The following CDH13 variants were observed in gnomAD, a reference collection of about 807,000 sequenced individuals.
CDH13 encodes cadherin-13.
In CDH13, 24 loss-of-function variants were observed where a neutral mutation model predicts 63.8. The ratio of observed to expected loss-of-function variants is 0.38; its 90% CI spans 0.27 to 0.53. CDH13 has a LOEUF of 0.53. CDH13 is among the 20% of genes least tolerant of loss of function. The pLI, the probability that CDH13 is intolerant of heterozygous loss-of-function variation, is 0.85. For synonymous variants in CDH13, 503 were observed against 355.3 expected (o/e 1.42, Z -4.67); for missense variants, 1,049 against 903.1 (o/e 1.16, Z -2.07).
chr16:83,283,999 T>C (rs1396421112), intron 5 of CDH13, among the ~76,000 whole-genome samples: 2 of 152,198 alleles, frequency 1.3e-5, no homozygotes, highest in East Asian at 3.8e-4. Context: ...AGGATAGACA[T>C]GTATCTTTAC....
At chr16:83,657,661 A>G (rs967133973) in intron 8 of CDH13, among the ~76,000 whole-genome samples, 3 of 152,224 alleles carry the variant, frequency 2.0e-5, no homozygotes, top group African/African-American at 4.8e-5. Context: ...TGTCTGCAGA[A>G]TCAGTCAGTG....
chr16:83,197,148 C>T (rs2038900305), intron 4 of CDH13, among the ~76,000 whole-genome samples: 2 of 152,110 alleles, frequency 1.3e-5, no homozygotes, highest in Admixed American at 1.3e-4. Context: ...TTGGAAGAAT[C>T]TCCAGGGAAT....
At chr16:83,193,015 A>G (rs1018636570) in intron 4 of CDH13, among the ~76,000 whole-genome samples, 1 of 152,174 alleles carries the variant, frequency 6.6e-6, no homozygotes, top group African/African-American at 2.4e-5. Flanking sequence ...GAGGCTGCCC[A>G]TCATGGGTGA....
At chr16:82,829,269 C>G (rs943136728) in intron 1 of CDH13, 21 of 152,136 alleles carry the variant, frequency 1.4e-4, no homozygotes, top group African/African-American at 5.1e-4. Context: ...CCCCAGGGTT[C>G]TTCTCCGTGT....
At chr16:83,238,926 C>G (rs920125715) in intron 5 of CDH13, among the ~76,000 whole-genome samples, 1 of 152,148 alleles carries the variant, frequency 6.6e-6, no homozygotes, top group African/African-American at 2.4e-5. Flanking sequence ...CACCTTTGGG[C>G]TAAGAGCAGA....
chr16:83,224,883 G>A (rs374324781), intron 5 of CDH13, among the ~76,000 whole-genome samples: 6 of 152,118 alleles, frequency 3.9e-5, no homozygotes, highest in East Asian at 3.9e-4. Context: ...GCCACATATC[G>A]GTTTTATAGT....
At chr16:82,772,458 A>G (rs972468588) in intron 1 of CDH13, among the ~76,000 whole-genome samples, 2 of 152,204 alleles carry the variant, frequency 1.3e-5, no homozygotes, top group Admixed American at 1.3e-4. Context: ...GAGGTGTGTG[A>G]GAAAAAGGGA....
intron 7 of CDH13, among the ~76,000 whole-genome samples, chr16:83,493,690 A>C (rs1040764675): frequency 6.6e-6 from 1 of 152,242 alleles, no homozygotes; most frequent in East Asian, 1.9e-4. Flanking sequence ...AGATTGCAAA[A>C]GGCTTCTAAT....
At chr16:83,326,235 C>T (rs1323743913) in intron 5 of CDH13, among the ~76,000 whole-genome samples, 1 of 152,098 alleles carries the variant, frequency 6.6e-6, no homozygotes, top group Non-Finnish European at 1.5e-5. Flanking sequence ...TTACTTTATT[C>T]TTCCTGGAAA....
chr16:83,462,936 C>T (rs2151527224), intron 6 of CDH13, among the ~76,000 whole-genome samples: 1 of 152,242 alleles, frequency 6.6e-6, no homozygotes, highest in South Asian at 2.1e-4. Context: ...TGTGGAAATA[C>T]ACCCTCCTCT....
intron 3 of CDH13, among the ~76,000 whole-genome samples, chr16:83,034,928 T>TTCGAC (rs1916712036): frequency 6.6e-6 from 1 of 152,132 alleles, no homozygotes; most frequent in Admixed American, 6.5e-5. Flanking sequence ...TGCCTGTGAT[T>TTCGAC]GTTTTTGCTT....
intron 3 of CDH13, among the ~76,000 whole-genome samples, chr16:83,124,636 G>T (rs1311884750): frequency 6.6e-6 from 1 of 151,184 alleles, no homozygotes; most frequent in African/African-American, 2.4e-5. Context: ...AATTTTTATA[G>T]TTGCAGGTCT....
chr16:83,483,017 T>G (rs2073807575), intron 6 of CDH13, among the ~76,000 whole-genome samples: 1 of 152,146 alleles, frequency 6.6e-6, no homozygotes, highest in South Asian at 2.1e-4. Flanking sequence ...CTGTACCAAG[T>G]TCTGAAAATA....
chr16:83,382,090 T>A (rs1266487025), intron 6 of CDH13, among the ~76,000 whole-genome samples: 3 of 152,204 alleles, frequency 2.0e-5, no homozygotes, highest in African/African-American at 7.2e-5. Context: ...AGCTACTTAT[T>A]GTGTGGTTGT....
intron 10 of CDH13, among the ~76,000 whole-genome samples, chr16:83,702,980 C>A (rs11859718): frequency 0.15 from 22,249 of 152,246 alleles, 2,166 homozygotes; most frequent in African/African-American, 0.28. Flanking sequence ...AGCTTACAGT[C>A]CTCTGGGTAG....
chr16:82,932,414 T>A (rs1249439420), intron 2 of CDH13, among the ~76,000 whole-genome samples: 3 of 152,034 alleles, frequency 2.0e-5, no homozygotes, highest in African/African-American at 7.2e-5. Flanking sequence ...TTTTGAAGAG[T>A]CATGTGATTT....
At chr16:82,999,874 G>A (rs930505473) in intron 2 of CDH13, among the ~76,000 whole-genome samples, 6 of 152,002 alleles carry the variant, frequency 3.9e-5, no homozygotes, top group African/African-American at 1.5e-4. Flanking sequence ...TGCACCAGTA[G>A]CTCTAAACCC....
chr16:82,812,875 C>A (rs915790280), intron 1 of CDH13, among the ~76,000 whole-genome samples: 1 of 150,202 alleles, frequency 6.7e-6, no homozygotes, highest in Non-Finnish European at 1.5e-5. Flanking sequence ...GTAGGAGATA[C>A]TTTCTCATAA....
At chr16:83,750,429 A>G (rs1277424928) in intron 11 of CDH13, among the ~76,000 whole-genome samples, 1 of 152,180 alleles carries the variant, frequency 6.6e-6, no homozygotes, top group African/African-American at 2.4e-5. Context: ...ATTTTAATTT[A>G]CTTTAACAAT....
Sources: gnomAD v4.1 joint callset for allele counts (sites outside exome capture counted in the v4.1 genomes callset) on GRCh38, gnomAD v4.1.1 for gene constraint, MANE v1.5 for transcripts, NCBI Gene and HGNC (gene_info 2026-07-23, HGNC 2026-07-21) for gene names.